The following DENND2A variants were observed in gnomAD, a reference collection of about 807,000 sequenced individuals.
DENND2A encodes the protein DENN domain containing 2A.
In DENND2A, 53 loss-of-function variants were observed where a neutral mutation model predicts 105.3. The observed-to-expected ratio is 0.50, with a 90% CI of 0.40 to 0.63. The LOEUF (loss-of-function observed/expected upper bound fraction) is 0.63, where lower values mean the gene tolerates loss of function less well. Ranked by LOEUF, DENND2A falls within the 30% of genes least tolerant of loss-of-function variation. The pLI, the probability that DENND2A is intolerant of heterozygous loss-of-function variation, is 0.00. For missense variants in DENND2A, 1,138 were observed against 1,279.6 expected (o/e 0.89, Z 1.69); for synonymous variants, 522 against 508.4 (o/e 1.03, Z -0.36).
At chr7:140,595,075 C>T (rs377375062) in intron 3 of DENND2A, among the ~76,000 whole-genome samples, 158 of 151,730 alleles carry the variant, frequency 1.0e-3, no homozygotes, top group Non-Finnish European at 1.5e-3. Context: ...GGCAGGATTT[C>T]GGCTCATTGC....
chr7:140,601,020 AT>A (rs745590499), intron 3 of DENND2A, among the ~76,000 whole-genome samples: 7 of 152,194 alleles, frequency 4.6e-5, no homozygotes, highest in Non-Finnish European at 8.8e-5. Flanking sequence ...GGGCCAGTGT[AT>A]TTCTAAAGCC....
At chr7:140,585,832 G>A in intron 4 of DENND2A, 122 bp from the exon 5 acceptor site, 1 of 1,388,378 alleles carries the variant, frequency 7.2e-7, no homozygotes, top group South Asian at 1.3e-5. Context: ...CTGCTGTTTT[G>A]CCATCCATGC....
Position 140,546,933 on chromosome 7 carries a change from C to T in DENND2A, c.2044G>A (p.Asp682Asn). 1 of 1,613,300 alleles carries T rather than the reference C, an allele frequency of 6.2e-7. No homozygotes were observed. The highest frequency in any genetic ancestry group is 8.5e-7 in the Non-Finnish European group (1 of 1,179,480). The part of the protein sequence containing the change: ...GCFSLFSRIL[D>N]EVEKRRGISP... ...ATGCCTCGTCTTTTTTCCACCTCAT[C>T]CAAGATCTGCAAGGGTCAGAAAAGC... The change falls in exon 13 of 20, where the codon GAT (aspartate) becomes AAT (asparagine). Residue 682 changes from aspartate to asparagine, a missense_variant. Coordinates refer to ENST00000496613, the MANE Select transcript of DENND2A (RefSeq NM_015689.5).
intron 14 of DENND2A, chr7:140,544,050 A>C (rs116428677): frequency 0.02 from 3,299 of 163,780 alleles, 116 homozygotes; most frequent in African/African-American, 0.076. Flanking sequence ...AGCCACCATG[A>C]CTGGCTGATT....
chr7:140,623,797 C>G (rs912207913), intron 1 of DENND2A, among the ~76,000 whole-genome samples: 1 of 151,938 alleles, frequency 6.6e-6, no homozygotes, highest in Admixed American at 6.6e-5. Flanking sequence ...AAATAGGCCA[C>G]AGTATCAAAA....
chr7:140,641,163 C>T (rs1340064510), upstream of DENND2A, among the ~76,000 whole-genome samples: 49 of 152,182 alleles, frequency 3.2e-4, no homozygotes, highest in Admixed American at 3.1e-3. Flanking sequence ...AACACACTCT[C>T]GGCACCGGGC....
chr7:140,549,300 G>A (rs1240124491), intron 12 of DENND2A, among the ~76,000 whole-genome samples: 1 of 150,380 alleles, frequency 6.6e-6, no homozygotes, highest in Non-Finnish European at 1.5e-5. Flanking sequence ...TTGCTCTGTC[G>A]CCCAGGCTGG....
upstream of DENND2A, chr7:140,641,320 G>A (rs1023298212): frequency 2.0e-5 from 3 of 152,454 alleles, no homozygotes; most frequent in Non-Finnish European, 4.4e-5. Context: ...GCTGCAGAAG[G>A]GCTCCCAGAC....
intron 12 of DENND2A, among the ~76,000 whole-genome samples, chr7:140,555,421 G>A (rs949614522): frequency 1.3e-5 from 2 of 151,978 alleles, no homozygotes; most frequent in Non-Finnish European, 2.9e-5. Context: ...TTACAGGCAT[G>A]AGCCACCCCG....
intron 1 of DENND2A, among the ~76,000 whole-genome samples, chr7:140,637,705 C>G (rs985107362): frequency 6.6e-6 from 1 of 152,214 alleles, no homozygotes; most frequent in Non-Finnish European, 1.5e-5. Context: ...TGTGAACTCC[C>G]TGCCTGCTTC....
At position 140,527,334 on chromosome 7, in the gene DENND2A, T is replaced by A. The variant is rs758758842; in HGVS notation, c.2489A>T (p.Glu830Val). 1 of 1,591,358 alleles carries A rather than the reference T, an allele frequency of 6.3e-7. No individual in the cohort carries two copies. Among genetic ancestry groups the A allele is most frequent in the Non-Finnish European group, 8.5e-7 (1 of 1,170,868 alleles). Residue 830 changes from glutamate (E) to valine (V), a missense_variant, in exon 15 of 20, where the codon GAG becomes GTG. Coordinates refer to ENST00000496613, the MANE Select transcript of DENND2A (RefSeq NM_015689.5). The surrounding 1 kb of genome is among the most constrained non-coding windows in gnomAD (Gnocchi z 4.9). Reference protein sequence around the residue: ...LLSSSLPLLRELPLEEVLVVD... With the variant: ...LLSSSLPLLRVLPLEEVLVVD... The stretch of plus-strand genomic sequence containing the variant: ...GGAGCTCACCTCTTCCAGCGGCAGC[T>A]CCCTGAGCAGTGGCAGCGAGCTGGA...
In DENND2A at chr7:140,568,936, T is replaced by G; in HGVS notation, c.1541-123A>C. 8.6e-6 allele frequency: 8 copies of G among 934,354 alleles called. No individual in the cohort carries two copies. The South Asian group carries it at 1.2e-4, about 14-fold the overall frequency. The allele number at this position is 934,354 out of a possible 1,614,324, so 57.9% of individuals were successfully genotyped here. ...GAGGGGATGTTGAGTTGCCTCTTTT[T>G]TTTTTTGAGATGGAGTCTTGCTCTG... On this transcript the variant is annotated intron_variant, in intron 7 of 19. Coordinates refer to ENST00000496613, the MANE Select transcript of DENND2A (RefSeq NM_015689.5).
chr7:140,531,754 G>A (rs1796277798), intron 14 of DENND2A, among the ~76,000 whole-genome samples: 1 of 151,594 alleles, frequency 6.6e-6, no homozygotes, highest in Non-Finnish European at 1.5e-5. Context: ...GACGGAGGTT[G>A]CAGTGAGCCG....
In DENND2A at chr7:140,546,945, A is replaced by G. The variant is rs1462554861; in HGVS notation, c.2038-6T>C. On this transcript the variant is annotated splice_polypyrimidine_tract_variant and splice_region_variant and intron_variant, in intron 12 of 19. Transcript: ENST00000496613. ...TTTTCCACCTCATCCAAGATCTGCA[A>G]GGGTCAGAAAAGCAGCTTAGCTATT... 9 of 1,610,792 alleles carry G rather than the reference A, an allele frequency of 5.6e-6. No individual in the cohort carries two copies. In the African/African-American group the frequency reaches 1.1e-4, roughly 19 times the overall value.
At chr7:140,628,808 C>G (rs1056527151) in intron 1 of DENND2A, among the ~76,000 whole-genome samples, 9 of 152,080 alleles carry the variant, frequency 5.9e-5, no homozygotes, top group African/African-American at 2.2e-4. Flanking sequence ...TCCCAAAGTG[C>G]TGGGATTACA....
intron 12 of DENND2A, 124 bp from the exon 13 acceptor site, chr7:140,547,063 T>G (rs1222686502): frequency 3.1e-6 from 4 of 1,300,276 alleles, no homozygotes; most frequent in Non-Finnish European, 3.1e-6. Context: ...GCTTTCCCCA[T>G]GAGGCCAAAA....
intron 1 of DENND2A, among the ~76,000 whole-genome samples, chr7:140,610,188 C>G (rs1338236792): frequency 1.3e-5 from 2 of 151,106 alleles, no homozygotes; most frequent in East Asian, 3.9e-4. Flanking sequence ...CTAGGCTGGT[C>G]TTGAACTCCT....
intron 14 of DENND2A, among the ~76,000 whole-genome samples, chr7:140,538,551 G>A (rs985772777): frequency 9.2e-5 from 14 of 152,072 alleles, no homozygotes; most frequent in African/African-American, 3.4e-4. Context: ...CTGTTGCCCA[G>A]GCTGGAGTGT....
At chr7:140,637,222 C>A (rs1426438950) in intron 1 of DENND2A, among the ~76,000 whole-genome samples, 1 of 151,904 alleles carries the variant, frequency 6.6e-6, no homozygotes, top group Non-Finnish European at 1.5e-5. Context: ...TCCTCCCCAG[C>A]ATTTAAATGT....
Sources: allele counts gnomAD v4.1 joint callset (sites outside exome capture counted in the v4.1 genomes callset), GRCh38; gene constraint gnomAD v4.1.1; non-coding constraint Gnocchi (gnomAD v3.1); transcripts MANE v1.5; gene names NCBI Gene and HGNC (gene_info 2026-07-23, HGNC 2026-07-21).